BCKDHB: variants seen among roughly 807,000 people sequenced by gnomAD.
BCKDHB encodes branched chain keto acid dehydrogenase E1 subunit beta.
Under a neutral mutation model 48.5 loss-of-function variants are expected in BCKDHB, and 41 were observed. That is an observed-to-expected ratio of 0.85 (90% CI 0.66 to 1.10). BCKDHB has a LOEUF of 1.10. Ranked by LOEUF, BCKDHB falls within the 50% of genes least tolerant of loss-of-function variation. The pLI is 0.00. For synonymous variants in BCKDHB, 201 were observed against 174.8 expected (o/e 1.15, Z -1.18); for missense variants, 496 against 494.2 (o/e 1.00, Z -0.03).
intron 8 of BCKDHB, among the ~76,000 whole-genome samples, chr6:80,207,334 G>A (rs1774714124): frequency 6.6e-6 from 1 of 151,840 alleles, no homozygotes; most frequent in Non-Finnish European, 1.5e-5. Flanking sequence ...TAATGTTCTG[G>A]TTAGGTTATA....
intron 8 of BCKDHB, among the ~76,000 whole-genome samples, chr6:80,206,086 G>A (rs546088598): frequency 2.6e-5 from 4 of 152,014 alleles, no homozygotes; most frequent in Admixed American, 1.3e-4. Context: ...AATGGTGAAA[G>A]GTAAGTAGAA....
intron 8 of BCKDHB, among the ~76,000 whole-genome samples, chr6:80,243,636 A>G (rs1028616643): frequency 3.3e-5 from 5 of 152,114 alleles, no homozygotes; most frequent in Admixed American, 2.0e-4. Context: ...GAGCTCAAGC[A>G]GTCTTCCCAC....
the BCKDHB span, among the ~76,000 whole-genome samples, chr6:80,359,253 C>T: frequency 6.6e-6 from 1 of 152,184 alleles, no homozygotes; most frequent in Non-Finnish European, 1.5e-5. Context: ...AGGTAGAGAC[C>T]TTGTTCTCCT....
At chr6:80,144,252 C>G (rs931185732) in intron 3 of BCKDHB, among the ~76,000 whole-genome samples, 1 of 152,140 alleles carries the variant, frequency 6.6e-6, no homozygotes, top group African/African-American at 2.4e-5. Context: ...GAAAACTTAT[C>G]GTGTTCTTAA....
the BCKDHB span, among the ~76,000 whole-genome samples, chr6:80,361,018 A>AT: frequency 2.7e-5 from 4 of 150,572 alleles, no homozygotes; most frequent in Non-Finnish European, 5.9e-5. Context: ...AAAAAAAAAA[A>AT]GAAAAAAATG....
chr6:80,411,133 G>A, the BCKDHB span, among the ~76,000 whole-genome samples: 2 of 152,102 alleles, frequency 1.3e-5, no homozygotes, highest in Non-Finnish European at 2.9e-5. Context: ...GGTTTTTTGT[G>A]TGGATGTCCC....
At chr6:80,434,816 G>A in the BCKDHB span, among the ~76,000 whole-genome samples, 2 of 152,088 alleles carry the variant, frequency 1.3e-5, no homozygotes, top group Non-Finnish European at 2.9e-5. Context: ...CTCTATTTGA[G>A]CTCCACGACT....
chr6:80,229,904 A>G (rs1439873285), intron 8 of BCKDHB, among the ~76,000 whole-genome samples: 1 of 151,986 alleles, frequency 6.6e-6, no homozygotes, highest in Non-Finnish European at 1.5e-5. Flanking sequence ...GAAAAGAATA[A>G]AATCTTAGGA....
At chr6:80,448,218 T>C in the BCKDHB span, among the ~76,000 whole-genome samples, 4 of 152,012 alleles carry the variant, frequency 2.6e-5, no homozygotes. Flanking sequence ...GGAATGCAAT[T>C]TAGGGTAGTG....
At chr6:80,238,237 A>G (rs1776227503) in intron 8 of BCKDHB, among the ~76,000 whole-genome samples, 1 of 152,196 alleles carries the variant, frequency 6.6e-6, no homozygotes, top group South Asian at 2.1e-4. Flanking sequence ...AGCTGGGGCT[A>G]CAGGCGCATG....
At chr6:80,417,627 G>C in the BCKDHB span, among the ~76,000 whole-genome samples, 2 of 152,152 alleles carry the variant, frequency 1.3e-5, no homozygotes, top group Non-Finnish European at 2.9e-5. Context: ...AAAATTCTGG[G>C]TTGGAGTTTC....
chr6:80,383,719 G>A, the BCKDHB span, among the ~76,000 whole-genome samples: 7 of 151,782 alleles, frequency 4.6e-5, no homozygotes, highest in African/African-American at 1.7e-4. Context: ...AATACAAAAA[G>A]CATAAAATTG....
chr6:80,162,952 T>C (rs934738699), intron 3 of BCKDHB, among the ~76,000 whole-genome samples: 4 of 151,826 alleles, frequency 2.6e-5, no homozygotes, highest in Non-Finnish European at 5.9e-5. Flanking sequence ...AGACAGAATT[T>C]CACTCTGTTG....
chr6:80,421,057 C>T, the BCKDHB span, among the ~76,000 whole-genome samples: 1 of 152,170 alleles, frequency 6.6e-6, no homozygotes, highest in African/African-American at 2.4e-5. Context: ...CTCTGTGTCT[C>T]CACCCAAATT....
chr6:80,195,555 A>G (rs971736541), intron 6 of BCKDHB, among the ~76,000 whole-genome samples: 1 of 152,324 alleles, frequency 6.6e-6, no homozygotes, highest in African/African-American at 2.4e-5. Flanking sequence ...AATAGTGAAA[A>G]GAATAACTCT....
chr6:80,350,431 T>C (rs1057483696), downstream of BCKDHB, among the ~76,000 whole-genome samples: 1 of 151,994 alleles, frequency 6.6e-6, no homozygotes, highest in African/African-American at 2.4e-5. Flanking sequence ...CTGTATCCTG[T>C]GAAGGTTAAG....
intron 8 of BCKDHB, among the ~76,000 whole-genome samples, chr6:80,254,459 G>T (rs1411446566): frequency 1.3e-5 from 2 of 152,042 alleles, no homozygotes; most frequent in Non-Finnish European, 1.5e-5. Flanking sequence ...ACTTTGAGAG[G>T]CCGAAGCAGG....
At chr6:80,390,099 A>G in the BCKDHB span, among the ~76,000 whole-genome samples, 26 of 152,340 alleles carry the variant, frequency 1.7e-4, no homozygotes, top group Admixed American at 4.6e-4. Context: ...AAGGAGTTAC[A>G]GTGTTGGCTG....
chr6:80,308,203 G>A (rs1254258731), intron 9 of BCKDHB, among the ~76,000 whole-genome samples: 1 of 151,736 alleles, frequency 6.6e-6, no homozygotes, highest in African/African-American at 2.4e-5. Flanking sequence ...TACAATTTGG[G>A]GATTGTGCTG....
Sources: allele counts gnomAD v4.1 joint callset (sites outside exome capture counted in the v4.1 genomes callset), GRCh38; gene constraint gnomAD v4.1.1; transcripts MANE v1.5; gene names NCBI Gene and HGNC (gene_info 2026-07-23, HGNC 2026-07-21).